The following PSMC3IP variants were observed in gnomAD, a reference collection of about 807,000 sequenced individuals.
PSMC3IP encodes PSMC3 interacting protein.
A neutral mutation model predicts 34.9 loss-of-function variants in PSMC3IP; 26 were observed. The ratio of observed to expected loss-of-function variants is 0.74; its 90% CI spans 0.55 to 1.03. PSMC3IP has a LOEUF of 1.03. Ranked by LOEUF, PSMC3IP falls within the 50% of genes least tolerant of loss-of-function variation. PSMC3IP has a pLI of 0.00. For missense variants in PSMC3IP, 250 were observed against 263.1 expected, an observed-to-expected ratio of 0.95 and a Z score of 0.34; for synonymous variants, 87 against 96.5, an observed-to-expected ratio of 0.90 and a Z score of 0.57.
chr17:42,575,171 T>C (rs1016298099), intron 3 of PSMC3IP, among the ~76,000 whole-genome samples: 1 of 151,962 alleles, frequency 6.6e-6, no homozygotes, highest in African/African-American at 2.4e-5. Flanking sequence ...GTCACATCAG[T>C]TGGTGATGGG....
In PSMC3IP at chr17:42,577,671, C is replaced by T. The variant is rs1321112896; in HGVS notation, c.16G>A (p.Ala6Thr). 1 of 1,614,036 alleles carries T rather than the reference C, an allele frequency of 6.2e-7. No homozygotes were observed. The highest frequency in any genetic ancestry group is 2.2e-5 in the East Asian group (1 of 44,898). Residue 6 changes from alanine to threonine, a missense_variant, in exon 1 of 8, where the codon GCA becomes ACA. Physicochemically the swap from Ala to Thr is moderately conservative, Grantham distance 58. Transcript: ENST00000393795. ...CCGTTACCTCCCGCCGCAGCTTCTG[C>T]CCGGCCTTTACTCATCGCCTTTCCC... MSKGR[A>T]EAAAGAAGIL... is the part of the protein sequence containing the mutation.
chr17:42,575,409 C>G (rs1004295), intron 3 of PSMC3IP, among the ~76,000 whole-genome samples: 77,274 of 152,024 alleles, frequency 0.51, 19,833 homozygotes, highest in South Asian at 0.64. Flanking sequence ...AGTTGTACAG[C>G]CAGCCATGAC....
Position 42,572,754 on chromosome 17 carries a change from A to G in PSMC3IP, c.*214T>C, listed in dbSNP as rs749233594. 4 of 680,036 alleles carry G rather than the reference A, an allele frequency of 5.9e-6. No homozygotes were observed. The highest frequency in any genetic ancestry group is 3.5e-5 in the African/African-American group (2 of 56,728). 42.1% of individuals were successfully genotyped at this position (680,036 alleles called of 1,614,324 possible). A position where few individuals can be genotyped will look rare whatever the true frequency, so the allele number is the denominator to read the frequency against. On this transcript the variant is annotated 3_prime_UTR_variant, in exon 8 of 8. Coordinates refer to ENST00000393795, the MANE Select transcript of PSMC3IP (RefSeq NM_016556.4). The stretch of plus-strand genomic sequence containing the variant: ...TAAATGTTAACCTCAAGCTACTGCA[A>G]TTTAGACAATGAAATGGGCTGGGTC...
intron 1 of PSMC3IP, 33 bp downstream of exon 1, chr17:42,577,620 C>G: frequency 6.2e-7 from 1 of 1,614,162 alleles, no homozygotes; most frequent in Non-Finnish European, 8.5e-7. Context: ...CCACTGCCCT[C>G]CCGGGTCTTC....
chr17:42,575,505 T>C (rs2093069746), intron 3 of PSMC3IP, among the ~76,000 whole-genome samples: 2 of 152,164 alleles, frequency 1.3e-5, no homozygotes, highest in African/African-American at 2.4e-5. Flanking sequence ...TAGAGAATTA[T>C]CTTTAGATGA....
intron 3 of PSMC3IP, 127 bp downstream of exon 3, chr17:42,577,086 T>A: frequency 6.5e-7 from 1 of 1,550,186 alleles, no homozygotes; most frequent in Non-Finnish European, 8.7e-7. Context: ...ACACCTTGAT[T>A]TAAGGATGGT....
rs1410405185 is a variant in PSMC3IP at position 42,577,301 on chromosome 17, A to C, written c.137T>G (p.Val46Gly). Residue 46 changes from valine to glycine, a missense_variant and splice_region_variant, in exon 3 of 8, where the codon GTG (valine) becomes GGG (glycine). Physicochemically the swap from Val to Gly is moderately radical, Grantham distance 109. Coordinates refer to ENST00000393795, the MANE Select transcript of PSMC3IP (RefSeq NM_016556.4). ...CAGCTGCTCCAGCGTCTTCACCACC[A>C]CCTGGCAGAGGAGAGAGAAGGAGCA... ...LQREHGLGKAVVVKTLEQLAQ... is the reference protein window; with the variant it reads ...LQREHGLGKAGVVKTLEQLAQ... 5.6e-6 allele frequency: 9 copies of C among 1,613,742 alleles called. No homozygotes were observed. Among genetic ancestry groups the C allele is most frequent in the Non-Finnish European group, 7.6e-6 (9 of 1,179,906 alleles).
At position 42,574,857 on chromosome 17, in the gene PSMC3IP, G is replaced by A. The variant is rs1041343492; in HGVS notation, c.226-647C>T. On this transcript the variant is annotated intron_variant, in intron 3 of 7. Coordinates refer to ENST00000393795, the MANE Select transcript of PSMC3IP (RefSeq NM_016556.4). Reference sequence around the variant, plus strand: ...CAACCTCCGCCTCCTGGCTTCAAGCGATTCTCATGCCTCAGCCTCCTAAGT... The same window carrying A: ...CAACCTCCGCCTCCTGGCTTCAAGCAATTCTCATGCCTCAGCCTCCTAAGT... Among the ~76,000 whole-genome samples, 9 of 152,068 alleles carry A rather than the reference G, an allele frequency of 5.9e-5. No individual in the cohort carries two copies. In the East Asian group the frequency reaches 7.7e-4, roughly 13 times the overall value.
Position 42,577,496 on chromosome 17 carries a change from C to G in PSMC3IP, c.100G>C (p.Gly34Arg), listed in dbSNP as rs372837436. The G allele has an allele frequency of 5.9e-5, 96 of 1,614,046 alleles. No homozygotes were observed. The highest frequency in any genetic ancestry group is 7.6e-5 in the Non-Finnish European group (90 of 1,180,050). ...NRPYSSQDVF[G>R]NLQREHGLGK... ...AGTCCGTGTTCCCGCTGTAGGTTCC[C>G]GAACACATCCTGGGAGCTGTAGGGC... Residue 34 changes from glycine (G) to arginine (R), a missense_variant, in exon 2 of 8, where the codon GGG (glycine) becomes CGG (arginine). By Grantham distance (125) the Gly-to-Arg change is moderately radical. Coordinates refer to ENST00000393795, the MANE Select transcript of PSMC3IP (RefSeq NM_016556.4).
intron 3 of PSMC3IP, chr17:42,576,886 G>A: frequency 5.2e-6 from 2 of 382,256 alleles, no homozygotes; most frequent in Non-Finnish European, 9.9e-6. Context: ...AATTTGATAT[G>A]TGTGTTTAGA....
At chr17:42,573,066 A>G in intron 7 of PSMC3IP, 41 bp downstream of exon 7, 1 of 1,614,160 alleles carries the variant, frequency 6.2e-7, no homozygotes, top group Non-Finnish European at 8.5e-7. Context: ...TCACCAGGAT[A>G]AGACCACAGG....
chr17:42,573,932 CA>C (rs2093055280), intron 4 of PSMC3IP, 166 bp downstream of exon 4: 1 of 1,533,596 alleles, frequency 6.5e-7, no homozygotes, highest in Non-Finnish European at 8.7e-7. Context: ...TGTTGGTACA[CA>C]AAAGCCGTTA....
intron 6 of PSMC3IP, 24 bp downstream of exon 6, chr17:42,573,287 G>GTC (rs760620683): frequency 6.2e-7 from 1 of 1,614,022 alleles, no homozygotes; most frequent in South Asian, 1.1e-5. Flanking sequence ...TCCAGGGCCT[G>GTC]TCTCGGAGCT....
In PSMC3IP at chr17:42,577,078, AC is replaced by A. The variant is rs887627738; in HGVS notation, c.225+134del. ...TGGGATCCTAACAAGAGGAGTACAC[AC>A]CTTGATTTAAGGATGGTGGCCTAAG... On this transcript the variant is annotated intron_variant, in intron 3 of 7. Coordinates refer to ENST00000393795, the MANE Select transcript of PSMC3IP (RefSeq NM_016556.4). 10 of 1,543,770 alleles carry A rather than the reference AC, an allele frequency of 6.5e-6. No individual in the cohort carries two copies. The African/African-American group carries it at 1.4e-4, about 21-fold the overall frequency.
chr17:42,574,559 G>C (rs1156401742), intron 3 of PSMC3IP, among the ~76,000 whole-genome samples: 1 of 152,092 alleles, frequency 6.6e-6, no homozygotes, highest in East Asian at 1.9e-4. Context: ...CTAGATCATG[G>C]GTTTCCATAA....
intron 3 of PSMC3IP, 48 bp downstream of exon 3, chr17:42,577,165 C>A: frequency 1.9e-6 from 3 of 1,613,398 alleles, no homozygotes; most frequent in South Asian, 2.2e-5. Context: ...AGTAGATTCA[C>A]CCGTTGTCGG....
rs2093052161 is a variant in PSMC3IP, at chr17:42,573,580, C to G, written c.381G>C (p.Gln127His). Reference protein sequence around the residue: ...LSSALTTPEMQKEIQELKKEC... With the variant: ...LSSALTTPEMHKEIQELKKEC... ...CCTTCTTTAACTCCTGGATTTCTTT[C>G]TGCATCTCTGGTGTGGTCAGGGCAC... Residue 127 changes from glutamine (Q) to histidine (H), a missense_variant, in exon 5 of 8, where the codon CAG becomes CAC. By Grantham distance (24) the Gln-to-His change is conservative (BLOSUM62 0). Transcript: ENST00000393795. 6.2e-7 allele frequency: 1 copy of G among 1,614,052 alleles called. No homozygotes were observed. Among genetic ancestry groups the G allele is most frequent in the Non-Finnish European group, 8.5e-7 (1 of 1,180,020 alleles).
rs539283944 is a variant in PSMC3IP at position 42,577,527 on chromosome 17, C to T, written c.69G>A (p.Gln23=). The change falls in exon 2 of 8, where the codon CAG becomes CAA. Residue 23 remains glutamine, a synonymous_variant. Transcript: ENST00000393795. ...CATCCTGGGAGCTGTAGGGCCGGTT[C>T]TGCTCCTGCAGGTACCTCAGGAGGA... is the stretch of plus-strand genomic sequence containing the variant. ...AGILLRYLQE[Q]NRPYSSQDVF... 4.5e-5 allele frequency: 72 copies of T among 1,614,196 alleles called. No homozygotes were observed. In the African/African-American group the frequency reaches 5.5e-4, roughly 12 times the overall value.
chr17:42,576,830 TTAA>T, intron 3 of PSMC3IP: 1 of 327,884 alleles, frequency 3.0e-6, no homozygotes, highest in South Asian at 2.5e-5. Context: ...GACTCTGATA[TTAA>T]TGCCTGACAG....
Sources: allele counts gnomAD v4.1 joint callset (sites outside exome capture counted in the v4.1 genomes callset), GRCh38; gene constraint gnomAD v4.1.1; transcripts MANE v1.5; gene names NCBI Gene and HGNC (gene_info 2026-07-23, HGNC 2026-07-21).